ITPRID1: variants seen among roughly 807,000 people sequenced by gnomAD.
ITPRID1 encodes the protein ITPR interacting domain containing 1.
Under a neutral mutation model 95.4 loss-of-function variants are expected in ITPRID1, and 96 were observed. That is an observed-to-expected ratio of 1.01 (90% CI 0.85 to 1.19). The LOEUF (loss-of-function observed/expected upper bound fraction) is 1.19, where lower values mean the gene tolerates loss of function less well. ITPRID1 is among the 50% of genes most tolerant of loss of function. ITPRID1 has a pLI of 0.00. For synonymous variants in ITPRID1, 510 were observed against 453.6 expected, an observed-to-expected ratio of 1.12 and a Z score of -1.58; for missense variants, 1,339 against 1,252.9, an observed-to-expected ratio of 1.07 and a Z score of -1.04.
At chr7:31,615,939 T>TAGAG (rs1397260103) in intron 10 of ITPRID1, among the ~76,000 whole-genome samples, 1 of 151,836 alleles carries the variant, frequency 6.6e-6, no homozygotes, top group African/African-American at 2.4e-5. Flanking sequence ...GTATTTTTGG[T>TAGAG]AGAGACGGGG....
rs754270330 is a variant in ITPRID1, at chr7:31,552,252, T to G, written c.-23-750T>G. On this transcript the variant is annotated intron_variant, in intron 2 of 14. Coordinates refer to ENST00000615280, the MANE Select transcript of ITPRID1 (RefSeq NM_001257967.3). Reference sequence around the variant, plus strand: ...ATTGTCCCAGCCATCCTATAGGATATATAGCATAGTCATGGGAACATGCTT... The same window carrying G: ...ATTGTCCCAGCCATCCTATAGGATAGATAGCATAGTCATGGGAACATGCTT... Among the ~76,000 whole-genome samples the G allele has an allele frequency of 8.4e-5, 12 of 142,936 alleles. 4 individuals are homozygous for G. The highest frequency in any genetic ancestry group is 1.6e-4 in the Non-Finnish European group (10 of 63,482). 93.8% of individuals were successfully genotyped at this position (142,936 alleles called of 152,430 possible). A position where few individuals can be genotyped will look rare whatever the true frequency, so the allele number is the denominator to read the frequency against.
At chr7:31,647,315 G>A (rs1790550051) in intron 12 of ITPRID1, among the ~76,000 whole-genome samples, 1 of 152,096 alleles carries the variant, frequency 6.6e-6, no homozygotes, top group Admixed American at 6.6e-5. Flanking sequence ...ATATTAACAG[G>A]ACATAGCTCT....
intron 10 of ITPRID1, among the ~76,000 whole-genome samples, chr7:31,608,570 G>A (rs902987584): frequency 7.3e-5 from 11 of 151,644 alleles, no homozygotes; most frequent in Non-Finnish European, 1.3e-4. Flanking sequence ...TATAAGTCTT[G>A]TAGTTCTTTG....
chr7:31,597,693 A>G (rs1258120377), intron 10 of ITPRID1, among the ~76,000 whole-genome samples: 1 of 152,164 alleles, frequency 6.6e-6, no homozygotes, highest in African/African-American at 2.4e-5. Context: ...TATCAAAAAG[A>G]AATAAATCTT....
intron 5 of ITPRID1, among the ~76,000 whole-genome samples, chr7:31,556,531 C>G (rs772475269): frequency 6.6e-6 from 1 of 152,092 alleles, no homozygotes; most frequent in African/African-American, 2.4e-5. Context: ...ATCAGCCCCA[C>G]TGCATGCTGG....
intron 2 of ITPRID1, among the ~76,000 whole-genome samples, chr7:31,551,516 C>G (rs901425906): frequency 7.0e-6 from 1 of 142,878 alleles, no homozygotes; most frequent in Admixed American, 7.0e-5. Context: ...ACTATTTTTT[C>G]CCTTAATTTT....
chr7:31,606,803 G>A (rs573316930), intron 10 of ITPRID1, among the ~76,000 whole-genome samples: 13 of 152,040 alleles, frequency 8.6e-5, no homozygotes, highest in Middle Eastern at 6.8e-3. Flanking sequence ...TTTCTTTCTG[G>A]TTATTTTCTT....
chr7:31,580,763 TTAATC>T (rs375412411), intron 9 of ITPRID1, among the ~76,000 whole-genome samples: 3 of 152,290 alleles, frequency 2.0e-5, no homozygotes, highest in South Asian at 4.1e-4. Context: ...CAATATTAAT[TTAATC>T]TAAGGATGAC....
chr7:31,641,954 AG>A (rs1307767410), intron 10 of ITPRID1, among the ~76,000 whole-genome samples: 3 of 152,050 alleles, frequency 2.0e-5, no homozygotes, highest in Admixed American at 6.6e-5. Context: ...CCTTCGTTTC[AG>A]GTTTTATTCT....
At chr7:31,596,108 T>C (rs1786078330) in intron 10 of ITPRID1, among the ~76,000 whole-genome samples, 1 of 151,438 alleles carries the variant, frequency 6.6e-6, no homozygotes, top group South Asian at 2.1e-4. Flanking sequence ...ATATTGATAC[T>C]ATATTACCAA....
intron 10 of ITPRID1, among the ~76,000 whole-genome samples, chr7:31,616,225 A>T (rs189152641): frequency 1.1e-4 from 17 of 152,254 alleles, no homozygotes; most frequent in African/African-American, 3.6e-4. Flanking sequence ...ATGGTTTTTA[A>T]TCGTGCCTCT....
chr7:31,623,889 A>T (rs1445393026), intron 10 of ITPRID1, among the ~76,000 whole-genome samples: 3 of 151,880 alleles, frequency 2.0e-5, no homozygotes, highest in Admixed American at 1.3e-4. Context: ...CTCAGCCCAA[A>T]ATCTCCTTAA....
intron 9 of ITPRID1, among the ~76,000 whole-genome samples, chr7:31,580,452 T>A (rs1329177433): frequency 1.3e-5 from 2 of 151,964 alleles, no homozygotes; most frequent in Non-Finnish European, 2.9e-5. Flanking sequence ...TAGAGAAAAA[T>A]AAAGTTCCTA....
At position 31,652,501 on chromosome 7, in the gene ITPRID1, T is replaced by A; in HGVS notation, c.2824-17T>A. The A allele has an allele frequency of 6.4e-7, 1 of 1,570,744 alleles. No homozygotes were observed. Among genetic ancestry groups the A allele is most frequent in the Non-Finnish European group, 8.6e-7 (1 of 1,156,300 alleles). On this transcript the variant is annotated splice_polypyrimidine_tract_variant and intron_variant, in intron 14 of 14. Coordinates refer to ENST00000615280, the MANE Select transcript of ITPRID1 (RefSeq NM_001257967.3). ...GTGATGTGCTGTTTACTCTTTTTCC[T>A]CTTGTTTTCCTTTTAGCAGCTGGAG...
At position 31,643,233 on chromosome 7, in the gene ITPRID1, A is replaced by G. The variant is rs200300960; in HGVS notation, c.1863A>G (p.Glu621=). The part of the protein sequence containing the change: ...HVDSEAPREE[E]SSGFCPHTNH... ...ACTCTGAGGCCCCACGAGAAGAGGA[A>G]AGCAGTGGATTCTGTCCTCACACCA... The change falls in exon 12 of 15, where the codon GAA becomes GAG. Residue 621 remains glutamate, a synonymous_variant. Coordinates refer to ENST00000615280, the MANE Select transcript of ITPRID1 (RefSeq NM_001257967.3). The G allele has an allele frequency of 1.3e-5, 21 of 1,613,910 alleles. No individual in the cohort carries two copies. In the East Asian group the frequency reaches 4.7e-4, roughly 36 times the overall value.
chr7:31,620,982 C>A (rs372367186), intron 10 of ITPRID1, among the ~76,000 whole-genome samples: 1 of 151,290 alleles, frequency 6.6e-6, no homozygotes, highest in Non-Finnish European at 1.5e-5. Flanking sequence ...GGAGCCAATG[C>A]GATCAACTGG....
intron 10 of ITPRID1, among the ~76,000 whole-genome samples, chr7:31,612,859 G>A (rs919481842): frequency 1.3e-5 from 2 of 152,140 alleles, no homozygotes; most frequent in African/African-American, 2.4e-5. Flanking sequence ...AGATCCACAC[G>A]AATATGTCAG....
At chr7:31,605,182 C>A (rs1786564764) in intron 10 of ITPRID1, among the ~76,000 whole-genome samples, 1 of 150,958 alleles carries the variant, frequency 6.6e-6, no homozygotes, top group Non-Finnish European at 1.5e-5. Context: ...CTTTTTGAAT[C>A]TGGAGAGGTG....
At chr7:31,644,855 C>T (rs1217304339) in intron 12 of ITPRID1, among the ~76,000 whole-genome samples, 6 of 152,118 alleles carry the variant, frequency 3.9e-5, no homozygotes, top group African/African-American at 1.4e-4. Context: ...CTATTCAGAG[C>T]GGGGTGAAGT....
Sources: gnomAD v4.1 joint callset for allele counts (sites outside exome capture counted in the v4.1 genomes callset) on GRCh38, gnomAD v4.1.1 for gene constraint, MANE v1.5 for transcripts, NCBI Gene and HGNC (gene_info 2026-07-23, HGNC 2026-07-21) for gene names.